Variants in NRIP1 observed in about 807,000 individuals in gnomAD.
NRIP1 encodes the protein nuclear receptor interacting protein 1.
NRIP1 carries 28 observed loss-of-function variants against 75.0 expected under a neutral mutation model. The observed-to-expected ratio is 0.37, with a 90% confidence interval of 0.28 to 0.51. The LOEUF (loss-of-function observed/expected upper bound fraction) is 0.51, where lower values mean the gene tolerates loss of function less well. NRIP1 is among the 20% of genes least tolerant of loss of function. NRIP1 has a pLI of 0.92. For synonymous variants in NRIP1, 526 were observed against 487.6 expected (o/e 1.08, Z -1.04); for missense variants, 1,435 against 1,343.7 (o/e 1.07, Z -1.06).
At chr21:15,022,199 T>A (rs759718903) in intron 2 of NRIP1, among the ~76,000 whole-genome samples, 4 of 152,188 alleles carry the variant, frequency 2.6e-5, no homozygotes, top group Non-Finnish European at 5.9e-5. Flanking sequence ...TACCATGGAA[T>A]ACTATGCAGC....
chr21:14,994,843 A>C (rs961244195), intron 3 of NRIP1, among the ~76,000 whole-genome samples: 2 of 152,230 alleles, frequency 1.3e-5, no homozygotes, highest in African/African-American at 4.8e-5. Flanking sequence ...AAATGAAAGC[A>C]CTTAACATTG....
Position 14,987,035 on chromosome 21 carries a change from A to AAAT in NRIP1, c.-334-18510_-334-18509insATT. 1.3e-5 allele frequency among the ~76,000 whole-genome samples: 2 copies of AAAT among 152,186 alleles called. 1 individual carries two copies. The highest frequency in any genetic ancestry group is 4.8e-5 in the African/African-American group (2 of 41,530). Reference sequence around the variant, plus strand: ...TGTCTGATGCTTAATCCCCTTTATAACCCATTTGCTATCTCTGGATATCTA... The same window carrying AAAT: ...TGTCTGATGCTTAATCCCCTTTATAAAATCCCATTTGCTATCTCTGGATATCTA... On this transcript the variant is annotated intron_variant, in intron 3 of 3. Transcript: ENST00000318948.
chr21:15,019,576 C>G (rs1413478993), intron 2 of NRIP1, among the ~76,000 whole-genome samples: 1 of 144,712 alleles, frequency 6.9e-6, no homozygotes, highest in East Asian at 2.1e-4. Context: ...GCAACCTCTG[C>G]CTCCCAGGTT....
intron 2 of NRIP1, among the ~76,000 whole-genome samples, chr21:15,034,789 A>C (rs1233786668): frequency 2.6e-5 from 4 of 152,194 alleles, no homozygotes; most frequent in Non-Finnish European, 5.9e-5. Context: ...AAAGTAAATG[A>C]ACATAAAAAA....
In NRIP1 at chr21:15,014,229, G is replaced by A. The variant is rs534532672; in HGVS notation, c.-335+115C>T. On this transcript the variant is annotated intron_variant, in intron 3 of 3. Coordinates refer to ENST00000318948, the MANE Select transcript of NRIP1 (RefSeq NM_003489.4). ...TGATGAAGTAACTTGCACAGATGAA[G>A]TACATAATACATATTTTGAATTATA... 4 of 380,924 alleles carry A rather than the reference G, an allele frequency of 1.1e-5. No homozygotes were observed. The South Asian group carries it at 4.4e-4, about 42-fold the overall frequency. 23.6% of individuals were successfully genotyped at this position (380,924 alleles called of 1,614,324 possible). A position where few individuals can be genotyped will look rare whatever the true frequency, so the allele number is the denominator to read the frequency against.
At chr21:15,008,181 C>T (rs1208832328) in intron 3 of NRIP1, among the ~76,000 whole-genome samples, 1 of 151,954 alleles carries the variant, frequency 6.6e-6, no homozygotes, top group African/African-American at 2.4e-5. Flanking sequence ...CAGGAGTCAC[C>T]AGGGCCAAGT....
At chr21:15,054,232 T>G (rs1446340662) in intron 1 of NRIP1, among the ~76,000 whole-genome samples, 2 of 152,222 alleles carry the variant, frequency 1.3e-5, no homozygotes, top group Non-Finnish European at 2.9e-5. Flanking sequence ...GAACTCTGGA[T>G]GTGAAATGTT....
intron 3 of NRIP1, among the ~76,000 whole-genome samples, chr21:14,999,790 C>T (rs1021108290): frequency 2.6e-5 from 4 of 152,170 alleles, no homozygotes; most frequent in Non-Finnish European, 5.9e-5. Context: ...AAGTATCACC[C>T]ACATAAAGTT....
intron 2 of NRIP1, among the ~76,000 whole-genome samples, chr21:15,014,896 G>T (rs1321831611): frequency 8.7e-5 from 13 of 148,634 alleles, no homozygotes; most frequent in African/African-American, 3.2e-4. Context: ...TACCAAGTAT[G>T]TAATCTTTGC....
Position 14,965,012 on chromosome 21 carries a change from A to G in NRIP1, c.3181T>C (p.Leu1061=), listed in dbSNP as rs2086687134. The G allele has an allele frequency of 1.2e-6, 2 of 1,613,804 alleles. No individual in the cohort carries two copies. Among genetic ancestry groups the G allele is most frequent in the African/African-American group, 1.3e-5 (1 of 74,866 alleles). The change falls in exon 4 of 4, where the codon TTG becomes CTG. Residue 1061 remains leucine, a synonymous_variant. Coordinates refer to ENST00000318948, the MANE Select transcript of NRIP1 (RefSeq NM_003489.4). ...KNEYEKDSPR[L]TKTNPILYYM... Reference sequence around the variant, plus strand: ...TATAGTATTGGGTTGGTTTTGGTCAATCTTGGAGAGTCTTTTTCATACTCA... The same window carrying G: ...TATAGTATTGGGTTGGTTTTGGTCAGTCTTGGAGAGTCTTTTTCATACTCA...
At chr21:15,065,296 G>A (rs1344171207), upstream of NRIP1, among the ~76,000 whole-genome samples, 1 of 151,928 alleles carries the variant, frequency 6.6e-6, no homozygotes, top group African/African-American at 2.4e-5. Flanking sequence ...GCAGCGAGAG[G>A]ACCGCGTCCC....
At chr21:15,002,316 T>C (rs561258656) in intron 3 of NRIP1, 1 of 152,286 alleles carries the variant, frequency 6.6e-6, no homozygotes, top group East Asian at 1.9e-4. Context: ...AATGCCCAGG[T>C]CCCGACCAAT....
At chr21:15,045,369 T>A (rs1377664380) in intron 1 of NRIP1, among the ~76,000 whole-genome samples, 1 of 152,222 alleles carries the variant, frequency 6.6e-6, no homozygotes, top group Non-Finnish European at 1.5e-5. Flanking sequence ...CACAAGTTTT[T>A]TGGTTTCCTA....
At chr21:15,001,758 T>C (rs777875158) in intron 3 of NRIP1, among the ~76,000 whole-genome samples, 11 of 152,164 alleles carry the variant, frequency 7.2e-5, no homozygotes, top group Non-Finnish European at 8.8e-5. Flanking sequence ...CCATGTTATA[T>C]AGGATCTTTA....
At position 14,966,002 on chromosome 21, in the gene NRIP1, T is replaced by G. The variant is rs748309161; in HGVS notation, c.2191A>C (p.Thr731Pro). Residue 731 changes from threonine to proline, a missense_variant, in exon 4 of 4, where the codon ACT becomes CCT. Transcript: ENST00000318948. ...NKGKSEKKEK[T>P]PLRDESTQEH... Reference sequence around the variant, plus strand: ...TGAGTACTTTCATCTCTTAAGGGAGTTTTCTCTTTTTTTTCACTCTTCCCT... The same window carrying G: ...TGAGTACTTTCATCTCTTAAGGGAGGTTTCTCTTTTTTTTCACTCTTCCCT... The G allele has an allele frequency of 6.2e-7, 1 of 1,611,476 alleles. No individual in the cohort carries two copies. The highest frequency in any genetic ancestry group is 8.5e-7 in the Non-Finnish European group (1 of 1,179,354).
At chr21:14,992,297 C>G (rs2087595524) in intron 3 of NRIP1, 1 of 152,226 alleles carries the variant, frequency 6.6e-6, no homozygotes, top group Non-Finnish European at 1.5e-5. Flanking sequence ...GATCCCCCGA[C>G]CAGGCCTCCC....
intron 3 of NRIP1, among the ~76,000 whole-genome samples, chr21:14,987,770 G>A (rs924912122): frequency 2.0e-5 from 3 of 152,162 alleles, no homozygotes; most frequent in African/African-American, 4.8e-5. Context: ...CTAGGATAGA[G>A]TTGTCTTTGA....
At chr21:15,051,546 T>A (rs1045804831) in intron 1 of NRIP1, 2 of 152,398 alleles carry the variant, frequency 1.3e-5, no homozygotes, top group African/African-American at 4.8e-5. Flanking sequence ...ATCTAGGAAA[T>A]ATTTTTCTTC....
intron 3 of NRIP1, among the ~76,000 whole-genome samples, chr21:15,008,674 G>A (rs147263030): frequency 5.3e-5 from 8 of 152,186 alleles, no homozygotes; most frequent in African/African-American, 7.2e-5. Context: ...CAAAAGCAAG[G>A]TTAACATTAT....
Sources: gnomAD v4.1 joint callset for allele counts (sites outside exome capture counted in the v4.1 genomes callset) on GRCh38, gnomAD v4.1.1 for gene constraint, MANE v1.5 for transcripts, NCBI Gene and HGNC (gene_info 2026-07-23, HGNC 2026-07-21) for gene names.